The following DNAH3 variants were observed in gnomAD, a reference collection of about 807,000 sequenced individuals.
DNAH3 encodes dynein axonemal heavy chain 3.
A neutral mutation model predicts 432.5 loss-of-function variants in DNAH3; 332 were observed. The observed-to-expected ratio is 0.77, with a 90% CI of 0.70 to 0.84. The LOEUF (loss-of-function observed/expected upper bound fraction) is 0.84, where lower values mean the gene tolerates loss of function less well. DNAH3 is among the 40% of genes least tolerant of loss of function. The pLI is 0.00. For missense variants in DNAH3, 4,861 were observed against 5,114.0 expected (o/e 0.95, Z 1.51); for synonymous variants, 1,956 against 1,900.2 (o/e 1.03, Z -0.76).
At chr16:21,013,649 G>A (rs1307742012) in intron 41 of DNAH3, among the ~76,000 whole-genome samples, 1 of 148,584 alleles carries the variant, frequency 6.7e-6, no homozygotes, top group East Asian at 2.0e-4. Flanking sequence ...AACCTGGGAG[G>A]AGGAGGTTAC....
At chr16:21,143,538 G>A (rs1355819806) in intron 3 of DNAH3, among the ~76,000 whole-genome samples, 1 of 152,152 alleles carries the variant, frequency 6.6e-6, no homozygotes, top group East Asian at 1.9e-4. Flanking sequence ...AAGCCACTCA[G>A]TTTATGATTC....
intron 16 of DNAH3, among the ~76,000 whole-genome samples, chr16:21,102,055 T>C (rs1005409941): frequency 6.6e-6 from 1 of 152,238 alleles, no homozygotes; most frequent in South Asian, 2.1e-4. Flanking sequence ...TGCATGAATA[T>C]GGCTTAATCC....
At chr16:20,956,939 T>C (rs1410282738) in intron 54 of DNAH3, among the ~76,000 whole-genome samples, 1 of 152,106 alleles carries the variant, frequency 6.6e-6, no homozygotes, top group Admixed American at 6.5e-5. Context: ...GCCAGGCTGG[T>C]CTTGAACTCC....
At chr16:21,154,828 A>G (rs2092887967) in intron 1 of DNAH3, among the ~76,000 whole-genome samples, 1 of 152,178 alleles carries the variant, frequency 6.6e-6, no homozygotes, top group Non-Finnish European at 1.5e-5. Context: ...AAGAGAGTGA[A>G]AGTGACTTCC....
chr16:21,038,625 A>T (rs1567680697), intron 33 of DNAH3, among the ~76,000 whole-genome samples: 1 of 152,208 alleles, frequency 6.6e-6, no homozygotes. Flanking sequence ...CCTAACTAAT[A>T]CACTTATGCA....
intron 23 of DNAH3, among the ~76,000 whole-genome samples, chr16:21,069,153 C>T (rs2090685550): frequency 6.6e-6 from 1 of 151,990 alleles, no homozygotes; most frequent in African/African-American, 2.4e-5. Context: ...CCATGTTGGC[C>T]AGGCTGGTCT....
At chr16:21,132,505 T>C (rs187224597) in intron 7 of DNAH3, among the ~76,000 whole-genome samples, 13 of 152,306 alleles carry the variant, frequency 8.5e-5, no homozygotes, top group Non-Finnish European at 1.8e-4. Context: ...CTGCAATTGA[T>C]GCATAGATAA....
chr16:21,054,725 G>A (rs2090074894), intron 27 of DNAH3, among the ~76,000 whole-genome samples, 191 bp from the exon 28 acceptor site: 1 of 152,164 alleles, frequency 6.6e-6, no homozygotes, highest in South Asian at 2.1e-4. Flanking sequence ...GCTGAAAGAG[G>A]CAAGATTTGG....
At chr16:21,086,289 C>T (rs2091369328) in intron 19 of DNAH3, among the ~76,000 whole-genome samples, 1 of 152,128 alleles carries the variant, frequency 6.6e-6, no homozygotes, top group African/African-American at 2.4e-5. Flanking sequence ...TTATAAAAAT[C>T]CCAGCTATTT....
intron 26 of DNAH3, 86 bp downstream of exon 26, chr16:21,060,178 G>C (rs858205): frequency 8.9e-7 from 1 of 1,129,046 alleles, no homozygotes; most frequent in Non-Finnish European, 1.3e-6. Flanking sequence ...AGAGGGTCCA[G>C]CCAAACTACT....
chr16:20,982,606 T>C lies in DNAH3; in HGVS notation c.7859+115A>G, dbSNP rs923320846. 6.5e-6 allele frequency: 5 copies of C among 774,570 alleles called. No individual in the cohort carries two copies. In the African/African-American group the frequency reaches 8.7e-5, roughly 13 times the overall value. 48.0% of individuals were successfully genotyped at this position (774,570 alleles called of 1,614,324 possible). On this transcript the variant is annotated intron_variant, in intron 49 of 61. Coordinates refer to ENST00000261383, the Ensembl canonical transcript of DNAH3. Reference sequence around the variant, plus strand: ...CTAACTGTGATTCAATTTAAAAGCATAAGACATTTGCTATATACAAATTGA... The same window carrying C: ...CTAACTGTGATTCAATTTAAAAGCACAAGACATTTGCTATATACAAATTGA...
exon 52 of DNAH3, chr16:20,969,851 T>C (rs2085253636): frequency 6.2e-7 from 1 of 1,614,072 alleles, no homozygotes; most frequent in East Asian, 2.2e-5. Flanking sequence ...GCAGATGCTC[T>C]CCATGACCAG....
Position 21,063,083 on chromosome 16 carries a change from G to C in DNAH3, c.3519-400C>G, listed in dbSNP as rs530989145. ...TCTGACAGCAAGAGAACGAATAAAA[G>C]CTGGCATGTGTGGGTTTAATAGGAC... is the stretch of plus-strand genomic sequence containing the variant. On this transcript the variant is annotated intron_variant, in intron 24 of 61. Transcript: ENST00000261383. 1.4e-4 allele frequency: 23 copies of C among 168,864 alleles called. 1 individual carries two copies. The East Asian group carries it at 4.0e-3, about 29-fold the overall frequency. The allele number at this position is 168,864 out of a possible 1,614,324, so 10.5% of individuals were successfully genotyped here. A position where few individuals can be genotyped will look rare whatever the true frequency, so the allele number is the denominator to read the frequency against.
chr16:21,075,014 T>C (rs1050379766), intron 21 of DNAH3, among the ~76,000 whole-genome samples: 12 of 152,326 alleles, frequency 7.9e-5, no homozygotes, highest in Admixed American at 3.3e-4. Context: ...AATCCTAGAT[T>C]CCATCCCAGA....
chr16:21,021,234 C>T (rs1275434587), intron 40 of DNAH3, among the ~76,000 whole-genome samples: 1 of 152,178 alleles, frequency 6.6e-6, no homozygotes, highest in African/African-American at 2.4e-5. Flanking sequence ...GCTTTCAATT[C>T]TTTTTGGTTT....
intron 56 of DNAH3, among the ~76,000 whole-genome samples, chr16:20,951,266 T>C (rs1221203206): frequency 6.6e-6 from 1 of 151,988 alleles, no homozygotes; most frequent in Non-Finnish European, 1.5e-5. Context: ...CTCCTTCCTC[T>C]ATGCCCCACC....
Position 21,024,750 on chromosome 16 carries a change from T to C in DNAH3, c.5541-49A>G, listed in dbSNP as rs1208006404. 4 of 1,411,962 alleles carry C rather than the reference T, an allele frequency of 2.8e-6. No individual in the cohort carries two copies. The South Asian group carries it at 4.7e-5, about 16-fold the overall frequency. 87.5% of individuals were successfully genotyped at this position (1,411,962 alleles called of 1,614,324 possible). On this transcript the variant is annotated intron_variant, in intron 38 of 61. Transcript: ENST00000261383. ...TAGGTGCTCGCTTCTTTGTTACTAA[T>C]ACGGGTTAACATTTATTGAGCAATC...
At chr16:21,094,211 C>A (rs888981830) in intron 18 of DNAH3, among the ~76,000 whole-genome samples, 1 of 152,050 alleles carries the variant, frequency 6.6e-6, no homozygotes, top group Admixed American at 6.6e-5. Flanking sequence ...AGAAATCAAA[C>A]AACCAATTAA....
intron 51 of DNAH3, among the ~76,000 whole-genome samples, chr16:20,974,874 A>C (rs2085510762): frequency 6.6e-6 from 1 of 151,470 alleles, no homozygotes; most frequent in South Asian, 2.1e-4. Flanking sequence ...GCTGGAGTGC[A>C]GTGGTGCAAT....
Sources: gnomAD v4.1 joint callset for allele counts (sites outside exome capture counted in the v4.1 genomes callset) on GRCh38, gnomAD v4.1.1 for gene constraint, MANE v1.5 for transcripts, NCBI Gene and HGNC (gene_info 2026-07-23, HGNC 2026-07-21) for gene names.